ADAMTS9: variants seen among roughly 807,000 people sequenced by gnomAD.
The protein encoded by ADAMTS9 is ADAM metallopeptidase with thrombospondin type 1 motif 9, also known as A disintegrin and metalloproteinase with thrombospondin motifs 9.
In ADAMTS9, 107 loss-of-function variants were observed where a neutral mutation model predicts 257.1. The observed-to-expected ratio is 0.42, with a 90% confidence interval of 0.36 to 0.49. ADAMTS9 has a LOEUF of 0.49. Among genes scored for constraint, ADAMTS9 ranks in the 20% least tolerant of loss-of-function variants. ADAMTS9 has a pLI of 0.03. For synonymous variants in ADAMTS9, 982 were observed against 880.9 expected, an observed-to-expected ratio of 1.11 and a Z score of -2.03; for missense variants, 2,353 against 2,469.1, an observed-to-expected ratio of 0.95 and a Z score of 1.00.
intron 30 of ADAMTS9, among the ~76,000 whole-genome samples, chr3:64,558,218 G>A (rs76408685): frequency 0.02 from 3,100 of 152,270 alleles, 118 homozygotes; most frequent in African/African-American, 0.071. Context: ...CAGAGTGTAG[G>A]TGCCAGCGTG....
At chr3:64,620,676 T>G (rs1222382669) in intron 19 of ADAMTS9, among the ~76,000 whole-genome samples, 3 of 152,188 alleles carry the variant, frequency 2.0e-5, no homozygotes, top group Admixed American at 2.0e-4. Context: ...GCTACCTTAG[T>G]GTACTGCAAC....
intron 12 of ADAMTS9, among the ~76,000 whole-genome samples, chr3:64,640,300 T>G (rs925810590): frequency 2.6e-5 from 4 of 152,218 alleles, no homozygotes; most frequent in Non-Finnish European, 5.9e-5. Flanking sequence ...TGCAAACCAG[T>G]TGCCTACAGC....
intron 3 of ADAMTS9, among the ~76,000 whole-genome samples, chr3:64,670,139 A>T (rs78453291): frequency 2.0e-4 from 4 of 20,142 alleles, no homozygotes; most frequent in South Asian, 9.9e-4. Context: ...TCTCTGTCTC[A>T]GTCTCATTGT....
intron 10 of ADAMTS9, among the ~76,000 whole-genome samples, chr3:64,648,770 G>C (rs540841735): frequency 2.0e-5 from 3 of 152,098 alleles, no homozygotes; most frequent in Admixed American, 6.5e-5. Context: ...CATGTTCCCA[G>C]ATGTAGATCA....
Position 64,658,809 on chromosome 3 carries a change from G to A in ADAMTS9, c.680-18C>T, listed in dbSNP as rs550094877. 6.3e-7 allele frequency: 1 copy of A among 1,599,834 alleles called. No individual in the cohort carries two copies. ...TTTGTGTTCTGTAACAAATCAGATG[G>A]TATGCATTACATTTCAAGCCACATC... On this transcript the variant is annotated intron_variant, in intron 3 of 39. Coordinates refer to ENST00000498707, the MANE Select transcript of ADAMTS9 (RefSeq NM_182920.2).
intron 24 of ADAMTS9, 24 bp from the exon 25 acceptor site, chr3:64,604,113 C>T (rs778141012): frequency 2.7e-5 from 44 of 1,612,910 alleles, no homozygotes; most frequent in Non-Finnish European, 3.7e-5. Flanking sequence ...TAAAATCATG[C>T]AGTTATATTA....
intron 30 of ADAMTS9, among the ~76,000 whole-genome samples, chr3:64,556,196 G>T (rs930604709): frequency 1.2e-4 from 18 of 152,170 alleles, no homozygotes; most frequent in Non-Finnish European, 4.4e-5. Context: ...GCACCAAACA[G>T]CAGCGAGGTG....
chr3:64,649,513 T>C (rs2106942651), intron 10 of ADAMTS9, 124 bp downstream of exon 10: 2 of 1,124,068 alleles, frequency 1.8e-6, no homozygotes, highest in South Asian at 1.7e-5. Flanking sequence ...ATCACTAATA[T>C]GCAATTTTAC....
chr3:64,659,959 T>C (rs1701185043), intron 3 of ADAMTS9, among the ~76,000 whole-genome samples: 1 of 152,192 alleles, frequency 6.6e-6, no homozygotes, highest in Admixed American at 6.5e-5. Context: ...ATATTAACAC[T>C]GAAATTTTGA....
chr3:64,537,215 G>A (rs2083062634), intron 37 of ADAMTS9, among the ~76,000 whole-genome samples: 2 of 152,168 alleles, frequency 1.3e-5, no homozygotes, highest in Admixed American at 1.3e-4. Context: ...TTGCTTCATT[G>A]TCAGGATTTA....
chr3:64,593,638 A>T (rs899934653), intron 28 of ADAMTS9, among the ~76,000 whole-genome samples: 2 of 152,180 alleles, frequency 1.3e-5, no homozygotes, highest in African/African-American at 4.8e-5. Flanking sequence ...AAAGCAAAAA[A>T]TGGTCCCAAA....
intron 20 of ADAMTS9, 103 bp downstream of exon 20, chr3:64,615,857 A>G: frequency 7.4e-7 from 1 of 1,355,634 alleles, no homozygotes; most frequent in Non-Finnish European, 1.0e-6. Context: ...AATCACGGTC[A>G]TCTCTTCCGC....
rs147650040 is a variant in ADAMTS9, at chr3:64,649,773, C to T, written c.1469G>A (p.Gly490Asp). The change falls in exon 10 of 40, where the codon GGT becomes GAT. Residue 490 changes from glycine to aspartate, a missense_variant. Around this residue, in one of 3 missense-constraint regions of ADAMTS9, gnomAD observed 360 missense variants for 458.1 expected, o/e 0.79. Coordinates refer to ENST00000498707, the MANE Select transcript of ADAMTS9 (RefSeq NM_182920.2). ...TTCGTTAAGCAAACACTCGCCATAA[C>T]CAGTGCTACGGAAACACACAGAAAC... Reference protein sequence around the residue: ...RKYITEFLDTGYGECLLNEPE... With the variant: ...RKYITEFLDTDYGECLLNEPE... 465 of 1,613,186 alleles carry T rather than the reference C, an allele frequency of 2.9e-4. No individual in the cohort carries two copies. The highest frequency in any genetic ancestry group is 3.7e-4 in the Non-Finnish European group (439 of 1,179,596).
At chr3:64,616,252 A>G in intron 19 of ADAMTS9, 82 bp from the exon 20 acceptor site, 1 of 1,441,844 alleles carries the variant, frequency 6.9e-7, no homozygotes, top group Non-Finnish European at 9.6e-7. Flanking sequence ...TTCATAGAAG[A>G]GTTGAGTTCT....
intron 3 of ADAMTS9, among the ~76,000 whole-genome samples, chr3:64,678,192 G>A (rs180786654): frequency 7.0e-4 from 107 of 152,278 alleles, no homozygotes; most frequent in African/African-American, 2.5e-3. Flanking sequence ...ATCACTCCTG[G>A]GAGGAAGCAT....
At chr3:64,643,470 T>TTTTTTTTTTTTTTTTA (rs1700709156) in intron 11 of ADAMTS9, among the ~76,000 whole-genome samples, 1 of 110,004 alleles carries the variant, frequency 9.1e-6, no homozygotes, top group African/African-American at 3.3e-5. Flanking sequence ...TTTTTTTTTT[T>TTTTTTTTTTTTTTTTA]GAGACAGAGT....
rs149581600 is a variant in ADAMTS9 at position 64,646,783 on chromosome 3, T to A, written c.1710+1157A>T. 2.6e-5 allele frequency among the ~76,000 whole-genome samples: 4 copies of A among 152,326 alleles called. No homozygotes were observed. In the East Asian group the frequency reaches 7.7e-4, roughly 29 times the overall value. Reference sequence around the variant, plus strand: ...ACCAGCAGAAACTATAGGAGCTCAGTGAGCTTCAGTTAGGGCCACTCCAGT... The same window carrying A: ...ACCAGCAGAAACTATAGGAGCTCAGAGAGCTTCAGTTAGGGCCACTCCAGT... On this transcript the variant is annotated intron_variant, in intron 11 of 39. Transcript: ENST00000498707.
chr3:64,545,410 A>G (rs1034885509), intron 32 of ADAMTS9, among the ~76,000 whole-genome samples: 1 of 152,232 alleles, frequency 6.6e-6, no homozygotes, highest in African/African-American at 2.4e-5. Context: ...CATATACACC[A>G]TGGAGTACTA....
At chr3:64,581,124 G>A (rs1477083191) in intron 28 of ADAMTS9, among the ~76,000 whole-genome samples, 1 of 152,190 alleles carries the variant, frequency 6.6e-6, no homozygotes, top group Non-Finnish European at 1.5e-5. Context: ...CAAGGCCAGG[G>A]CTCACATCAG....
Sources: gnomAD v4.1 joint callset for allele counts (sites outside exome capture counted in the v4.1 genomes callset) on GRCh38, gnomAD v4.1.1 for gene constraint, gnomAD v4.1.1 regional missense constraint, MANE v1.5 for transcripts, NCBI Gene and HGNC (gene_info 2026-07-23, HGNC 2026-07-21) for gene names.